The following NEGR1 variants were observed in gnomAD, a reference collection of about 807,000 sequenced individuals.
NEGR1 encodes the protein IgLON family member 4.
NEGR1 carries 10 observed loss-of-function variants against 40.9 expected under a neutral mutation model. The ratio of observed to expected loss-of-function variants is 0.24; its 90% CI spans 0.15 to 0.42. The LOEUF (loss-of-function observed/expected upper bound fraction) is 0.42. NEGR1 is among the 10% of genes least tolerant of loss of function. The probability of loss-of-function intolerance (pLI) is 1.00; values close to 1 mark genes in which losing one functional copy is unlikely to be tolerated. For synonymous variants in NEGR1, 185 were observed against 166.8 expected (o/e 1.11, Z -0.84); for missense variants, 352 against 438.9 (o/e 0.80, Z 1.77).
At chr1:72,161,676 C>CTTTTTTTTTTTTTTTTTTTTTTTTTT (rs779074685) in intron 1 of NEGR1, among the ~76,000 whole-genome samples, 1 of 84,568 alleles carries the variant, frequency 1.2e-5, no homozygotes, top group Non-Finnish European at 2.2e-5. Flanking sequence ...TTCTTTCTTT[C>CTTTTTTTTTTTTTTTTTTTTTTTTTT]TTTTTTTTTT....
chr1:71,643,272 T>C (rs1651416798), intron 4 of NEGR1, among the ~76,000 whole-genome samples: 1 of 152,024 alleles, frequency 6.6e-6, no homozygotes, highest in African/African-American at 2.4e-5. Flanking sequence ...CAGAGAACAT[T>C]AATGCAACGT....
At chr1:71,737,384 T>A (rs1235225387) in intron 3 of NEGR1, among the ~76,000 whole-genome samples, 1 of 151,990 alleles carries the variant, frequency 6.6e-6, no homozygotes. Context: ...ATGCTAATGT[T>A]GACTGAAAGT....
intron 4 of NEGR1, among the ~76,000 whole-genome samples, chr1:71,633,110 G>T (rs902922170): frequency 1.3e-5 from 2 of 151,952 alleles, no homozygotes; most frequent in African/African-American, 4.8e-5. Context: ...ATTATATTTT[G>T]TTTGTGCTAA....
intron 1 of NEGR1, among the ~76,000 whole-genome samples, chr1:71,976,070 C>A (rs1401433473): frequency 1.3e-5 from 2 of 152,268 alleles, no homozygotes; most frequent in Non-Finnish European, 2.9e-5. Flanking sequence ...TATTAATGTT[C>A]TAGTGTTGGT....
intron 4 of NEGR1, among the ~76,000 whole-genome samples, chr1:71,670,961 A>G (rs950913419): frequency 6.6e-6 from 1 of 151,974 alleles, no homozygotes; most frequent in African/African-American, 2.4e-5. Context: ...CCTTTAAATA[A>G]TTTTTTTGGT....
intron 1 of NEGR1, among the ~76,000 whole-genome samples, chr1:72,278,836 AT>A: frequency 6.6e-6 from 1 of 152,292 alleles, no homozygotes; most frequent in South Asian, 2.1e-4. Flanking sequence ...TAAAGTCTAT[AT>A]TTAATAAGTT....
intron 1 of NEGR1, among the ~76,000 whole-genome samples, chr1:72,182,721 A>G (rs1652427817): frequency 6.6e-6 from 1 of 151,566 alleles, no homozygotes; most frequent in South Asian, 2.1e-4. Flanking sequence ...ATATATGATG[A>G]AATTAAAATT....
At chr1:72,057,298 C>A (rs1314934601) in intron 1 of NEGR1, among the ~76,000 whole-genome samples, 1 of 151,442 alleles carries the variant, frequency 6.6e-6, no homozygotes, top group East Asian at 1.9e-4. Flanking sequence ...GCATTTAAAT[C>A]CAAACTTAAT....
chr1:72,186,557 G>T (rs1652619373), intron 1 of NEGR1, among the ~76,000 whole-genome samples: 1 of 151,492 alleles, frequency 6.6e-6, no homozygotes, highest in Non-Finnish European at 1.5e-5. Context: ...ATATAAAACA[G>T]AAAAGCTGAC....
chr1:71,498,724 C>A (rs12563314), intron 6 of NEGR1, among the ~76,000 whole-genome samples: 1 of 152,114 alleles, frequency 6.6e-6, no homozygotes, highest in African/African-American at 2.4e-5. Flanking sequence ...TTTCCAAGAG[C>A]TAATTTGCAG....
intron 2 of NEGR1, among the ~76,000 whole-genome samples, chr1:71,913,592 T>C (rs1248439279): frequency 6.6e-6 from 1 of 152,216 alleles, no homozygotes; most frequent in Non-Finnish European, 1.5e-5. Context: ...AATATGTTAA[T>C]ACTGAAAGAA....
rs74338149 is a variant in NEGR1 at position 71,447,862 on chromosome 1, T to A, written c.941-40292A>T. On this transcript the variant is annotated intron_variant, in intron 6 of 6. Transcript: ENST00000357731. ...ATTTTTTTCTGTAAGTCCTCTTTCT[T>A]TTCAAAGTAGTTTAAACAACCAAAA... Among the ~76,000 whole-genome samples, 117 of 152,356 alleles carry A rather than the reference T, an allele frequency of 7.7e-4. 1 individual carries two copies. The highest frequency in any genetic ancestry group is 2.7e-3 in the African/African-American group (112 of 41,578).
At chr1:71,593,649 C>G (rs1474266839) in intron 5 of NEGR1, among the ~76,000 whole-genome samples, 1 of 152,198 alleles carries the variant, frequency 6.6e-6, no homozygotes, top group Admixed American at 6.5e-5. Context: ...CAAATTCAAA[C>G]TAATTGTCCA....
chr1:71,461,257 A>T (rs1646712805), intron 6 of NEGR1, among the ~76,000 whole-genome samples: 1 of 152,166 alleles, frequency 6.6e-6, no homozygotes, highest in Non-Finnish European at 1.5e-5. Context: ...TTGCCAATCT[A>T]TGATGTCACA....
intron 1 of NEGR1, among the ~76,000 whole-genome samples, chr1:71,960,585 C>T (rs1459695541): frequency 6.6e-6 from 1 of 152,088 alleles, no homozygotes; most frequent in African/African-American, 2.4e-5. Flanking sequence ...ATGGCCAGAG[C>T]AGAGTTTCAA....
chr1:72,090,925 C>T (rs1444249817), intron 1 of NEGR1, among the ~76,000 whole-genome samples: 1 of 152,166 alleles, frequency 6.6e-6, no homozygotes. Context: ...TCTCCGAAAA[C>T]ATTTCAGGGT....
At chr1:71,677,994 T>C (rs1235056550) in intron 4 of NEGR1, among the ~76,000 whole-genome samples, 1 of 152,206 alleles carries the variant, frequency 6.6e-6, no homozygotes, top group Non-Finnish European at 1.5e-5. Flanking sequence ...TCAAAATTTG[T>C]GTCCTGAGAT....
intron 2 of NEGR1, among the ~76,000 whole-genome samples, chr1:71,929,789 G>A (rs1227532398): frequency 1.4e-5 from 2 of 148,114 alleles, no homozygotes; most frequent in Non-Finnish European, 3.0e-5. Flanking sequence ...GTCCTGTGAT[G>A]CTGTTTATTC....
chr1:71,688,106 T>A (rs996590412), intron 4 of NEGR1, among the ~76,000 whole-genome samples: 2 of 151,486 alleles, frequency 1.3e-5, no homozygotes, highest in Non-Finnish European at 2.9e-5. Flanking sequence ...CTATCTCATG[T>A]CTTAACTCAG....
Sources: gnomAD v4.1 joint callset for allele counts (sites outside exome capture counted in the v4.1 genomes callset) on GRCh38, gnomAD v4.1.1 for gene constraint, MANE v1.5 for transcripts, NCBI Gene and HGNC (gene_info 2026-07-23, HGNC 2026-07-21) for gene names.